MBOAT4: variants seen among roughly 807,000 people sequenced by gnomAD.
The protein encoded by MBOAT4 is membrane-bound ghrelin O-acyltransferase MBOAT4.
MBOAT4 carries 11 observed loss-of-function variants against 13.2 expected under a neutral mutation model. The ratio of observed to expected loss-of-function variants is 0.84; its 90% confidence interval spans 0.53 to 1.38. The LOEUF is 1.38. MBOAT4 is among the 40% of genes most tolerant of loss of function. The pLI, the probability that MBOAT4 is intolerant of heterozygous loss-of-function variation, is 0.00. For synonymous variants in MBOAT4, 202 were observed against 210.3 expected (o/e 0.96, Z 0.34); for missense variants, 481 against 527.2 (o/e 0.91, Z 0.86).
Position 30,137,011 on chromosome 8 carries a change from TA to T in MBOAT4, c.344+1520del, listed in dbSNP as rs1230406192. On this transcript the variant is annotated intron_variant, in intron 2 of 2. Transcript: ENST00000320542. ...CTGAAAATAGTCTTTACAGGAAAAT[TA>T]AAAAAAAAAATTCTAGGTATAGTCA... is the stretch of plus-strand genomic sequence containing the variant. Among the ~76,000 whole-genome samples, 20 of 147,636 alleles carry T rather than the reference TA, an allele frequency of 1.4e-4. No individual in the cohort carries two copies. In the East Asian group the frequency reaches 2.2e-3, roughly 16 times the overall value.
intron 2 of MBOAT4, 100 bp from the exon 3 acceptor site, chr8:30,133,006 C>T: frequency 8.3e-7 from 1 of 1,199,460 alleles, no homozygotes; most frequent in Non-Finnish European, 1.1e-6. Flanking sequence ...ATAGATAGGT[C>T]TGTACAGCTA....
At chr8:30,133,915 A>G (rs1309062217) in intron 2 of MBOAT4, among the ~76,000 whole-genome samples, 2 of 152,156 alleles carry the variant, frequency 1.3e-5, no homozygotes, top group Non-Finnish European at 2.9e-5. Context: ...CAATGCTTGT[A>G]TGTCTGATAA....
Position 30,138,565 on chromosome 8 carries a change from G to A in MBOAT4, c.311C>T (p.Thr104Ile). 6.4e-7 allele frequency: 1 copy of A among 1,551,592 alleles called. No homozygotes were observed. Among genetic ancestry groups the A allele is most frequent in the Non-Finnish European group, 8.7e-7 (1 of 1,146,974 alleles). Residue 104 changes from threonine (T) to isoleucine (I), a missense_variant, in exon 2 of 3, where the codon ACT becomes ATT. Transcript: ENST00000320542. ...QTLCHLGLHY[T>I]EYYLHEPPSV... Reference sequence around the variant, plus strand: ...AGGAGGCTCATGCAGATAATACTCAGTGTAGTGCAGACCTAGGTGACACAA... The same window carrying A: ...AGGAGGCTCATGCAGATAATACTCAATGTAGTGCAGACCTAGGTGACACAA...
intron 2 of MBOAT4, chr8:30,138,197 A>T (rs1803188914): frequency 5.2e-6 from 1 of 192,138 alleles, no homozygotes; most frequent in Non-Finnish European, 1.1e-5. Context: ...AGCTTGGAGT[A>T]ATAATAAAAC....
intron 2 of MBOAT4, among the ~76,000 whole-genome samples, chr8:30,136,663 G>T (rs1174772744): frequency 6.6e-6 from 1 of 151,232 alleles, no homozygotes; most frequent in Non-Finnish European, 1.5e-5. Context: ...CCACCCACCT[G>T]CCATCTTGCC....
Position 30,137,653 on chromosome 8 carries a change from A to C in MBOAT4, c.344+879T>G, listed in dbSNP as rs566121936. On this transcript the variant is annotated intron_variant, in intron 2 of 2. Coordinates refer to ENST00000320542, the MANE Select transcript of MBOAT4 (RefSeq NM_001100916.2). ...AAAGAAGTCTGACCTAACCAACTCCATCTTGCTTCTAACCTCCAAGCTGTC... is the reference window on the plus strand; with the variant it reads ...AAAGAAGTCTGACCTAACCAACTCCCTCTTGCTTCTAACCTCCAAGCTGTC... The C allele has an allele frequency of 1.1e-4, 68 of 632,638 alleles. No individual in the cohort carries two copies. In the South Asian group the frequency reaches 1.3e-3, roughly 12 times the overall value. 39.2% of individuals were successfully genotyped at this position (632,638 alleles called of 1,614,324 possible).
At chr8:30,142,572 G>A (rs1803280066) in intron 1 of MBOAT4, among the ~76,000 whole-genome samples, 1 of 152,090 alleles carries the variant, frequency 6.6e-6, no homozygotes, top group Non-Finnish European at 1.5e-5. Context: ...TGCCCGGGCA[G>A]GTCTCAAACT....
chr8:30,140,741 C>G (rs1165612604), intron 1 of MBOAT4, among the ~76,000 whole-genome samples: 1 of 152,126 alleles, frequency 6.6e-6, no homozygotes, highest in African/African-American at 2.4e-5. Context: ...CCGTATGTTT[C>G]CACCAAAGTT....
At chr8:30,136,549 C>T (rs748798786) in intron 2 of MBOAT4, among the ~76,000 whole-genome samples, 1 of 152,138 alleles carries the variant, frequency 6.6e-6, no homozygotes, top group South Asian at 2.1e-4. Context: ...CAGCCTGCCT[C>T]GCATCCAGCC....
intron 1 of MBOAT4, among the ~76,000 whole-genome samples, chr8:30,142,861 A>G (rs1803284416): frequency 6.6e-6 from 1 of 152,250 alleles, no homozygotes; most frequent in Non-Finnish European, 1.5e-5. Flanking sequence ...CAAATTCCAC[A>G]ATCCTAACTG....
chr8:30,136,203 T>A (rs1280205938), intron 2 of MBOAT4, among the ~76,000 whole-genome samples: 1 of 151,956 alleles, frequency 6.6e-6, no homozygotes, highest in Non-Finnish European at 1.5e-5. Flanking sequence ...GTATATGGAG[T>A]TAGGGTCTTT....
chr8:30,138,720 G>A lies in MBOAT4; in HGVS notation c.156C>T (p.Ala52=), dbSNP rs1046131727. Residue 52 remains alanine, a synonymous_variant, in exon 2 of 3, where the codon GCC becomes GCT. Coordinates refer to ENST00000320542, the MANE Select transcript of MBOAT4 (RefSeq NM_001100916.2). ...CGGCGTAGGAACCCATGGCAGCCAC[G>A]GCCAGGGCACCTCCTCCAGTCAGGA... is the stretch of plus-strand genomic sequence containing the variant. ...LFLLTGGGAL[A]VAAMGSYAVL... The A allele has an allele frequency of 1.2e-5, 18 of 1,550,036 alleles. No homozygotes were observed. The highest frequency in any genetic ancestry group is 1.4e-5 in the African/African-American group (1 of 72,998).
chr8:30,135,822 G>A (rs1803127213), intron 2 of MBOAT4, among the ~76,000 whole-genome samples: 1 of 151,320 alleles, frequency 6.6e-6, no homozygotes, highest in South Asian at 2.1e-4. Flanking sequence ...GCTGAGGTGG[G>A]AGGATTGCTT....
chr8:30,132,194 C>T lies in MBOAT4; in HGVS notation c.1057G>A (p.Val353Met), dbSNP rs149326721. The T allele has an allele frequency of 2.0e-5, 31 of 1,551,776 alleles. No individual in the cohort carries two copies. The highest frequency in any genetic ancestry group is 2.4e-5 in the East Asian group (1 of 40,940). The change falls in exon 3 of 3, where the codon GTG (valine) becomes ATG (methionine). Residue 353 changes from valine to methionine, a missense_variant. By Grantham distance (21) the Val-to-Met change is conservative (BLOSUM62 1). Transcript: ENST00000320542. ...GQVFGFVCWA[V>M]MVEADYLIHS... ...ATCAGGTAGTCAGCTTCCACCATCA[C>T]GGCCCAGCAAACGAAACCAAACACC...
In MBOAT4 at chr8:30,132,847, AG is replaced by A; in HGVS notation, c.403del (p.Leu135TrpfsTer8). Reference protein sequence around the residue: ...LLTQRVTSLSLDICEGKVKAA... With the variant: ...LLTQRVTSLSXDICEGKVKAA... ...CTTCACTTTCCCCTCACAAATGTCC[AG>A]AGAGAGGGACGTGACCCTCTGGGTC... is the stretch of plus-strand genomic sequence containing the variant. On this transcript the variant is annotated frameshift_variant, in exon 3 of 3. Coordinates refer to ENST00000320542, the MANE Select transcript of MBOAT4 (RefSeq NM_001100916.2). LOFTEE classifies it low-confidence loss of function (END_TRUNC). 4 of 1,551,510 alleles carry A rather than the reference AG, an allele frequency of 2.6e-6. No individual in the cohort carries two copies. Among genetic ancestry groups the A allele is most frequent in the Non-Finnish European group, 3.5e-6 (4 of 1,146,856 alleles).
At chr8:30,141,480 C>CA (rs1389219272) in intron 1 of MBOAT4, among the ~76,000 whole-genome samples, 4 of 151,186 alleles carry the variant, frequency 2.6e-5, no homozygotes, top group Non-Finnish European at 3.0e-5. Flanking sequence ...ACTAAAAATA[C>CA]AAAAAAAATT....
At chr8:30,142,822 G>A (rs950807998) in intron 1 of MBOAT4, among the ~76,000 whole-genome samples, 3 of 152,212 alleles carry the variant, frequency 2.0e-5, no homozygotes, top group African/African-American at 7.2e-5. Flanking sequence ...TGAGACAGTT[G>A]TGAACACTTG....
Position 30,138,682 on chromosome 8 carries a change from G to T in MBOAT4, c.194C>A (p.Thr65Asn). 3 of 1,551,202 alleles carry T rather than the reference G, an allele frequency of 1.9e-6. No individual in the cohort carries two copies. The highest frequency in any genetic ancestry group is 2.4e-5 in the East Asian group (1 of 40,920). ...GAGAGCCACAGCGCAGACAGCAGGGGTGAAGACGAGCACGGCGTAGGAACC... is the reference window on the plus strand; with the variant it reads ...GAGAGCCACAGCGCAGACAGCAGGGTTGAAGACGAGCACGGCGTAGGAACC... ...AMGSYAVLVF[T>N]PAVCAVALLC... The change falls in exon 2 of 3, where the codon ACC becomes AAC. Residue 65 changes from threonine to asparagine, a missense_variant. Coordinates refer to ENST00000320542, the MANE Select transcript of MBOAT4 (RefSeq NM_001100916.2).
rs191220119 is a variant in MBOAT4, at chr8:30,140,672, G to A, written c.120-1916C>T. Among the ~76,000 whole-genome samples the A allele has an allele frequency of 2.9e-3, 444 of 152,158 alleles. 2 individuals carry two copies. The highest frequency in any genetic ancestry group is 7.1e-3 in the South Asian group (34 of 4,822). On this transcript the variant is annotated intron_variant, in intron 1 of 2. Coordinates refer to ENST00000320542, the MANE Select transcript of MBOAT4 (RefSeq NM_001100916.2). Reference sequence around the variant, plus strand: ...CATGAGATCTTGTACATTTTGGCTGGTTTTTCCCAAATTTCTTTCTTATTA... The same window carrying A: ...CATGAGATCTTGTACATTTTGGCTGATTTTTCCCAAATTTCTTTCTTATTA...
Sources: gnomAD v4.1 joint callset for allele counts (sites outside exome capture counted in the v4.1 genomes callset) on GRCh38, gnomAD v4.1.1 for gene constraint, MANE v1.5 for transcripts, NCBI Gene and HGNC (gene_info 2026-07-23, HGNC 2026-07-21) for gene names.